Variants in ENTREP2 observed in about 807,000 individuals in gnomAD.
ENTREP2 encodes the protein endosomal transmembrane epsin interactor 2.
the ENTREP2 span, among the ~76,000 whole-genome samples, chr15:29,591,237 T>C: frequency 6.6e-6 from 1 of 152,342 alleles, no homozygotes; most frequent in South Asian, 2.1e-4. Context: ...GTTTTGCATT[T>C]TCTTTTAAAG....
the ENTREP2 span, among the ~76,000 whole-genome samples, chr15:29,389,873 C>A: frequency 6.6e-6 from 1 of 152,144 alleles, no homozygotes; most frequent in South Asian, 2.1e-4. Flanking sequence ...TCTCCCCAGA[C>A]CTCTCCAGGA....
chr15:29,168,435 G>T, the ENTREP2 span, among the ~76,000 whole-genome samples: 3 of 152,166 alleles, frequency 2.0e-5, no homozygotes, highest in African/African-American at 7.2e-5. Context: ...CACAATCAGC[G>T]TGTGTGTGTA....
chr15:29,225,597 AC>A, the ENTREP2 span, among the ~76,000 whole-genome samples: 1 of 152,156 alleles, frequency 6.6e-6, no homozygotes, highest in Non-Finnish European at 1.5e-5. Context: ...TCATGAAATC[AC>A]AGAAAAAAAC....
chr15:29,223,260 C>A, the ENTREP2 span, among the ~76,000 whole-genome samples: 2 of 152,140 alleles, frequency 1.3e-5, no homozygotes, highest in East Asian at 3.9e-4. Flanking sequence ...GTTTCGAGTT[C>A]CAGGTTCACT....
At chr15:29,311,648 C>T in the ENTREP2 span, among the ~76,000 whole-genome samples, 65 of 152,234 alleles carry the variant, frequency 4.3e-4, 2 homozygotes, top group African/African-American at 1.5e-3. Context: ...TGAGATCGTG[C>T]CACTGCACTC....
At chr15:29,392,605 C>CCTTTAGT in the ENTREP2 span, among the ~76,000 whole-genome samples, 1 of 152,070 alleles carries the variant, frequency 6.6e-6, no homozygotes, top group African/African-American at 2.4e-5. Context: ...CATCTCCTTG[C>CCTTTAGT]CTTTAGTATT....
the ENTREP2 span, among the ~76,000 whole-genome samples, chr15:29,158,717 G>A: frequency 1.6e-4 from 25 of 152,214 alleles, no homozygotes; most frequent in African/African-American, 5.3e-4. Context: ...TCAAAACGGC[G>A]AATATGAGAG....
At chr15:29,477,886 C>T in the ENTREP2 span, among the ~76,000 whole-genome samples, 1 of 151,550 alleles carries the variant, frequency 6.6e-6, no homozygotes, top group Admixed American at 6.6e-5. Flanking sequence ...TCACGTTCTG[C>T]TTCCCTCTGT....
the ENTREP2 span, among the ~76,000 whole-genome samples, chr15:29,510,518 G>T: frequency 0.034 from 5,165 of 152,228 alleles, 276 homozygotes; most frequent in African/African-American, 0.12. Flanking sequence ...ATCAATGTTA[G>T]ACTGGATAAA....
chr15:29,505,307 A>G, the ENTREP2 span, among the ~76,000 whole-genome samples: 1 of 152,172 alleles, frequency 6.6e-6, no homozygotes, highest in Non-Finnish European at 1.5e-5. The surrounding 1 kb of genome is among the most constrained non-coding windows in gnomAD (Gnocchi z 4.3). Flanking sequence ...CACCTGGGGG[A>G]TGGGACAGCT....
the ENTREP2 span, chr15:29,234,003 C>G: frequency 2.0e-6 from 3 of 1,493,538 alleles, no homozygotes; most frequent in Non-Finnish European, 2.8e-6. Context: ...GTTGAAATAT[C>G]TGATTGACTT....
the ENTREP2 span, among the ~76,000 whole-genome samples, chr15:29,625,847 ATTT>A: frequency 4.2e-4 from 63 of 151,476 alleles, no homozygotes; most frequent in African/African-American, 1.5e-3. Flanking sequence ...TTAAAAAACA[ATTT>A]TTTTCTTTTC....
the ENTREP2 span, among the ~76,000 whole-genome samples, chr15:29,325,950 A>G: frequency 6.6e-6 from 1 of 152,184 alleles, no homozygotes; most frequent in Non-Finnish European, 1.5e-5. Context: ...AAATCAGTCA[A>G]TGCAATATAC....
chr15:29,254,576 C>T, the ENTREP2 span, among the ~76,000 whole-genome samples: 1 of 151,104 alleles, frequency 6.6e-6, no homozygotes, highest in Admixed American at 6.6e-5. Flanking sequence ...AGCTGATTCC[C>T]GGCCAGGCGC....
chr15:29,369,683 T>G, the ENTREP2 span, among the ~76,000 whole-genome samples: 6 of 152,218 alleles, frequency 3.9e-5, no homozygotes, highest in African/African-American at 1.4e-4. Flanking sequence ...ATAAAAAGCA[T>G]GATTAAAGAT....
At chr15:29,481,246 C>T in the ENTREP2 span, among the ~76,000 whole-genome samples, 1 of 152,136 alleles carries the variant, frequency 6.6e-6, no homozygotes, top group East Asian at 1.9e-4. Context: ...TAGAAGTGTG[C>T]ATAGGAATCC....
chr15:29,299,857 G>T, the ENTREP2 span, among the ~76,000 whole-genome samples: 4 of 151,910 alleles, frequency 2.6e-5, no homozygotes, highest in South Asian at 8.3e-4. Flanking sequence ...TGGATGGGTA[G>T]GTAGATGGAT....
the ENTREP2 span, among the ~76,000 whole-genome samples, chr15:29,256,848 A>T: frequency 6.6e-6 from 1 of 152,016 alleles, no homozygotes; most frequent in African/African-American, 2.4e-5. Flanking sequence ...TTTATTTTTT[A>T]ATTTTATATT....
the ENTREP2 span, among the ~76,000 whole-genome samples, chr15:29,641,141 G>A: frequency 0.046 from 7,052 of 152,166 alleles, 188 homozygotes; most frequent in South Asian, 0.065. Flanking sequence ...ATTTAAAAAA[G>A]TCACTTTTAA....
Sources: gnomAD v4.1 joint callset for allele counts (sites outside exome capture counted in the v4.1 genomes callset) on GRCh38, gnomAD v4.1.1 for gene constraint, Gnocchi (gnomAD v3.1) non-coding constraint, MANE v1.5 for transcripts, NCBI Gene and HGNC (gene_info 2026-07-23, HGNC 2026-07-21) for gene names.